AMPH: variants seen among roughly 807,000 people sequenced by gnomAD.
AMPH encodes amphiphysin.
AMPH carries 49 observed loss-of-function variants against 99.1 expected under a neutral mutation model. The observed-to-expected ratio is 0.49, with a 90% CI of 0.39 to 0.63. AMPH has a LOEUF of 0.63. Ranked by LOEUF, AMPH falls within the 20% of genes least tolerant of loss-of-function variation. The probability of loss-of-function intolerance (pLI) is 0.00; values close to 1 mark genes in which losing one functional copy is unlikely to be tolerated. For missense variants in AMPH, 759 were observed against 863.4 expected, an observed-to-expected ratio of 0.88 and a Z score of 1.52; for synonymous variants, 314 against 317.3, an observed-to-expected ratio of 0.99 and a Z score of 0.11.
At chr7:38,560,931 T>C (rs1247078426) in intron 1 of AMPH, among the ~76,000 whole-genome samples, 6 of 152,210 alleles carry the variant, frequency 3.9e-5, no homozygotes, top group Non-Finnish European at 8.8e-5. Flanking sequence ...AAATGATATG[T>C]TATATTTATT....
At chr7:38,618,897 T>C (rs1370733349) in intron 1 of AMPH, among the ~76,000 whole-genome samples, 1 of 152,166 alleles carries the variant, frequency 6.6e-6, no homozygotes, top group Non-Finnish European at 1.5e-5. Context: ...TTATGTAAAA[T>C]GTAAATAGAC....
At chr7:38,489,432 A>G (rs745917735) in intron 5 of AMPH, among the ~76,000 whole-genome samples, 8 of 152,110 alleles carry the variant, frequency 5.3e-5, no homozygotes, top group Admixed American at 2.0e-4. Flanking sequence ...CATTTTCTAA[A>G]TGAAGATGTT....
At chr7:38,518,139 A>C (rs1379755387) in intron 2 of AMPH, among the ~76,000 whole-genome samples, 2 of 152,224 alleles carry the variant, frequency 1.3e-5, no homozygotes, top group Admixed American at 1.3e-4. Context: ...TACAAATGGT[A>C]AGCCTTAGTA....
intron 10 of AMPH, among the ~76,000 whole-genome samples, chr7:38,462,387 A>C (rs757127594): frequency 3.3e-5 from 5 of 152,148 alleles, no homozygotes; most frequent in Non-Finnish European, 5.9e-5. Context: ...GGGGACTATA[A>C]ATTTTTCTAC....
At chr7:38,434,168 G>A (rs1395307090) in intron 12 of AMPH, among the ~76,000 whole-genome samples, 1 of 152,136 alleles carries the variant, frequency 6.6e-6, no homozygotes, top group East Asian at 1.9e-4. Flanking sequence ...CCCTGAGGAA[G>A]AGCACAGGGA....
rs370835465 is a variant in AMPH at position 38,624,760 on chromosome 7, T to C, written c.69+6523A>G. 5.3e-5 allele frequency among the ~76,000 whole-genome samples: 8 copies of C among 152,234 alleles called. No homozygotes were observed. The East Asian group carries it at 1.5e-3, about 29-fold the overall frequency. ...ATTTCGTTAAACATGGCAGGCTGAC[T>C]GCATGTGCTTATTTCCATCTCATTC... is the stretch of plus-strand genomic sequence containing the variant. On this transcript the variant is annotated intron_variant, in intron 1 of 20. Coordinates refer to ENST00000356264, the MANE Select transcript of AMPH (RefSeq NM_001635.4).
intron 2 of AMPH, among the ~76,000 whole-genome samples, chr7:38,525,273 TATATAGAGAGAGAGAGAGAG>T (rs1790130179): frequency 2.4e-5 from 2 of 83,338 alleles, no homozygotes; most frequent in Non-Finnish European, 4.7e-5. Flanking sequence ...TATATATATA[TATATAGAGAGAGAGAGAGAG>T]AGAGAGAGAG....
In AMPH at chr7:38,451,348, C is replaced by T. The variant is rs577297097; in HGVS notation, c.1017+9935G>A. Among the ~76,000 whole-genome samples the T allele has an allele frequency of 6.7e-5, 10 of 149,934 alleles. No individual in the cohort carries two copies. The South Asian group carries it at 1.9e-3, about 28-fold the overall frequency. On this transcript the variant is annotated intron_variant, in intron 11 of 20. Transcript: ENST00000356264. Reference sequence around the variant, plus strand: ...ATACACATGTATATATACATATATACGTTATATACACGTATATATATGTGT... The same window carrying T: ...ATACACATGTATATATACATATATATGTTATATACACGTATATATATGTGT...
intron 18 of AMPH, among the ~76,000 whole-genome samples, chr7:38,393,739 C>T (rs904472074): frequency 5.9e-5 from 9 of 152,352 alleles, no homozygotes; most frequent in South Asian, 4.1e-4. Flanking sequence ...CCTTTCTCCA[C>T]GTCACCCCAG....
intron 1 of AMPH, among the ~76,000 whole-genome samples, chr7:38,620,389 G>T (rs1415604555): frequency 7.0e-6 from 1 of 143,182 alleles, no homozygotes; most frequent in Non-Finnish European, 1.5e-5. Flanking sequence ...AAAGAAGCAG[G>T]ATGTCTTACA....
intron 2 of AMPH, among the ~76,000 whole-genome samples, chr7:38,529,686 G>T (rs570249849): frequency 4.9e-4 from 74 of 152,304 alleles, no homozygotes; most frequent in African/African-American, 1.7e-3. Context: ...ATTTAAAACA[G>T]ATCTGATGGG....
intron 9 of AMPH, among the ~76,000 whole-genome samples, chr7:38,463,843 C>G (rs1393287478): frequency 6.6e-6 from 1 of 152,204 alleles, no homozygotes; most frequent in Non-Finnish European, 1.5e-5. Flanking sequence ...AAGAAGCACT[C>G]AGGACACATC....
chr7:38,432,301 G>T (rs367666700), intron 12 of AMPH, 89 bp from the exon 13 acceptor site: 52 of 1,252,708 alleles, frequency 4.2e-5, no homozygotes, highest in East Asian at 3.9e-4. Context: ...GAAATCATAA[G>T]CATTTTTTAA....
intron 1 of AMPH, among the ~76,000 whole-genome samples, chr7:38,556,796 T>C (rs572633210): frequency 1.3e-5 from 2 of 152,272 alleles, no homozygotes; most frequent in East Asian, 1.9e-4. Context: ...CTATCCCCAT[T>C]ATGTGCTAGA....
intron 2 of AMPH, among the ~76,000 whole-genome samples, chr7:38,518,806 G>A (rs1487332176): frequency 6.6e-6 from 1 of 152,142 alleles, no homozygotes; most frequent in Non-Finnish European, 1.5e-5. Context: ...GGGGCTGTTG[G>A]GATGGAATAA....
At chr7:38,563,662 T>C (rs1791632534) in intron 1 of AMPH, among the ~76,000 whole-genome samples, 1 of 152,176 alleles carries the variant, frequency 6.6e-6, no homozygotes, top group South Asian at 2.1e-4. Context: ...ATAATACACA[T>C]TACTTTTAAA....
At chr7:38,385,029 C>A in intron 20 of AMPH, 104 bp from the exon 21 acceptor site, 1 of 1,003,362 alleles carries the variant, frequency 1.0e-6, no homozygotes, top group Non-Finnish European at 1.5e-6. Flanking sequence ...GGTTCTGAAC[C>A]AGGATGTCAC....
intron 17 of AMPH, among the ~76,000 whole-genome samples, chr7:38,398,199 A>C (rs1345989696): frequency 4.6e-5 from 7 of 151,884 alleles, no homozygotes; most frequent in East Asian, 3.9e-4. Flanking sequence ...AAAAAAACAA[A>C]AAAAAAAGGG....
At chr7:38,538,802 G>A (rs1422178977) in intron 1 of AMPH, among the ~76,000 whole-genome samples, 1 of 152,150 alleles carries the variant, frequency 6.6e-6, no homozygotes, top group Non-Finnish European at 1.5e-5. Flanking sequence ...ATTTCTTTGG[G>A]GGAGACTGAG....
Sources: gnomAD v4.1 joint callset for allele counts (sites outside exome capture counted in the v4.1 genomes callset) on GRCh38, gnomAD v4.1.1 for gene constraint, MANE v1.5 for transcripts, NCBI Gene and HGNC (gene_info 2026-07-23, HGNC 2026-07-21) for gene names.